The following CCDC125 variants were observed in gnomAD, a reference collection of about 807,000 sequenced individuals.
CCDC125 encodes coiled-coil domain-containing protein 125.
A neutral mutation model predicts 57.4 loss-of-function variants in CCDC125; 43 were observed. The ratio of observed to expected loss-of-function variants is 0.75; its 90% confidence interval spans 0.59 to 0.97. The LOEUF is 0.97. Ranked by LOEUF, CCDC125 falls within the 50% of genes least tolerant of loss-of-function variation. CCDC125 has a pLI of 0.00. For missense variants in CCDC125, 563 were observed against 595.7 expected, an observed-to-expected ratio of 0.95 and a Z score of 0.57; for synonymous variants, 187 against 195.2, an observed-to-expected ratio of 0.96 and a Z score of 0.35.
At chr5:69,324,482 GA>G (rs1760474906) in intron 1 of CCDC125, among the ~76,000 whole-genome samples, 1 of 152,156 alleles carries the variant, frequency 6.6e-6, no homozygotes, top group African/African-American at 2.4e-5. Context: ...TTACTCAAGA[GA>G]AACAGAACCC....
chr5:69,322,585 G>A (rs1760200099), intron 1 of CCDC125, among the ~76,000 whole-genome samples: 1 of 150,702 alleles, frequency 6.6e-6, no homozygotes, highest in South Asian at 2.1e-4. Context: ...TTTTTTTTGA[G>A]ACAGTCTTGC....
chr5:69,294,919 T>G lies in CCDC125; in HGVS notation c.817-19A>C. 1 of 1,599,658 alleles carries G rather than the reference T, an allele frequency of 6.3e-7. No homozygotes were observed. The highest frequency in any genetic ancestry group is 8.6e-7 in the Non-Finnish European group (1 of 1,167,706). ...CCGCAAGCTTTAAATTGAAAAGCATTGCTCCTGTTATTAAGTGTCACACTG... is the reference window on the plus strand; with the variant it reads ...CCGCAAGCTTTAAATTGAAAAGCATGGCTCCTGTTATTAAGTGTCACACTG... On this transcript the variant is annotated intron_variant, in intron 8 of 11. Coordinates refer to ENST00000396496, the MANE Select transcript of CCDC125 (RefSeq NM_176816.5).
chr5:69,292,926 C>T (rs1754703236), intron 9 of CCDC125, among the ~76,000 whole-genome samples: 1 of 149,706 alleles, frequency 6.7e-6, no homozygotes, highest in African/African-American at 2.5e-5. Flanking sequence ...CTGCAAGCTC[C>T]GCCTCCTGGG....
In CCDC125 at chr5:69,313,433, A is replaced by G. The variant is rs555869476; in HGVS notation, c.366+552T>C. 1.5e-5 allele frequency: 22 copies of G among 1,507,776 alleles called. No homozygotes were observed. The African/African-American group carries it at 1.8e-4, about 12-fold the overall frequency. The allele number at this position is 1,507,776 out of a possible 1,614,324, so 93.4% of individuals were successfully genotyped here. Reference sequence around the variant, plus strand: ...CCCCCCAGCTTCTCTGCCAGGGTGCAGTGGTCCTTGACCTCCTCATAGTAG... The same window carrying G: ...CCCCCCAGCTTCTCTGCCAGGGTGCGGTGGTCCTTGACCTCCTCATAGTAG... On this transcript the variant is annotated intron_variant, in intron 3 of 11. Coordinates refer to ENST00000396496, the MANE Select transcript of CCDC125 (RefSeq NM_176816.5).
At chr5:69,276,099 G>A (rs558415854), downstream of CCDC125, among the ~76,000 whole-genome samples, 7 of 152,068 alleles carry the variant, frequency 4.6e-5, no homozygotes, top group South Asian at 2.1e-4. Context: ...GTGCGATCTC[G>A]GCTCACTGCA....
intron 8 of CCDC125, among the ~76,000 whole-genome samples, chr5:69,295,378 C>T (rs1014449069): frequency 6.6e-6 from 1 of 151,980 alleles, no homozygotes; most frequent in African/African-American, 2.4e-5. Flanking sequence ...AACAGTCATC[C>T]CTCCACTCCT....
chr5:69,283,459 A>AT, intron 11 of CCDC125, among the ~76,000 whole-genome samples: 1 of 151,758 alleles, frequency 6.6e-6, no homozygotes, highest in African/African-American at 2.4e-5. Context: ...TGACCTTGTG[A>AT]TCAGCCCACC....
At chr5:69,313,682 G>A in intron 3 of CCDC125, 1 of 757,782 alleles carries the variant, frequency 1.3e-6, no homozygotes, top group East Asian at 2.5e-5. Context: ...GGTTGTCGAT[G>A]GTCTGGTCCA....
intron 10 of CCDC125, among the ~76,000 whole-genome samples, chr5:69,286,628 C>A (rs1753531241): frequency 6.6e-6 from 1 of 152,118 alleles, no homozygotes; most frequent in South Asian, 2.1e-4. Context: ...TTTAATATTT[C>A]ACGTGCTGAC....
intron 10 of CCDC125, among the ~76,000 whole-genome samples, chr5:69,288,939 T>C (rs190910565): frequency 2.8e-4 from 43 of 152,326 alleles, no homozygotes; most frequent in African/African-American, 1.0e-3. Context: ...GAAAACACTT[T>C]GGTTTCCCCT....
At chr5:69,330,736 C>T (rs1761313358) in intron 1 of CCDC125, among the ~76,000 whole-genome samples, 1 of 152,124 alleles carries the variant, frequency 6.6e-6, no homozygotes, top group Admixed American at 6.6e-5. Context: ...CTTCACATGC[C>T]TTCAGTTGCT....
chr5:69,306,565 T>C (rs889907922), intron 6 of CCDC125, among the ~76,000 whole-genome samples: 31 of 152,152 alleles, frequency 2.0e-4, no homozygotes, highest in Admixed American at 1.3e-4. Flanking sequence ...TGGACTCAAG[T>C]GATCCTCAGA....
chr5:69,319,482 C>CTTT (rs1280719685), intron 2 of CCDC125, among the ~76,000 whole-genome samples: 2 of 138,076 alleles, frequency 1.4e-5, no homozygotes, highest in African/African-American at 5.3e-5. Context: ...ACATCGACTA[C>CTTT]TTTTTTTTTT....
chr5:69,327,006 C>G (rs1374451697), intron 1 of CCDC125, among the ~76,000 whole-genome samples: 1 of 151,956 alleles, frequency 6.6e-6, no homozygotes, highest in Non-Finnish European at 1.5e-5. Context: ...CCACTGCACT[C>G]TAGTCTGGTC....
rs1753188685 is a variant in CCDC125 at position 69,285,483 on chromosome 5, A to G, written c.1100-16T>C. 5 of 1,588,204 alleles carry G rather than the reference A, an allele frequency of 3.1e-6. No individual in the cohort carries two copies. The East Asian group carries it at 1.1e-4, about 36-fold the overall frequency. Reference sequence around the variant, plus strand: ...GATGGAAATCCTAAAATTGAACATGAGAATCCAGCTGAGACATTAAAATAT... The same window carrying G: ...GATGGAAATCCTAAAATTGAACATGGGAATCCAGCTGAGACATTAAAATAT... On this transcript the variant is annotated splice_polypyrimidine_tract_variant and intron_variant, in intron 10 of 11. Transcript: ENST00000396496.
At chr5:69,306,677 A>G in intron 6 of CCDC125, 140 bp downstream of exon 6, 1 of 1,006,544 alleles carries the variant, frequency 9.9e-7, no homozygotes, top group South Asian at 4.1e-5. Flanking sequence ...ACACTAACAA[A>G]AATATGCGAC....
At position 69,281,511 on chromosome 5, in the gene CCDC125, CTG is replaced by C. The variant is rs756560167; in HGVS notation, c.*1216_*1217del. On this transcript the variant is annotated 3_prime_UTR_variant, in exon 12 of 12. Transcript: ENST00000396496. Reference sequence around the variant, plus strand: ...GCACTTTGTAGACTTGGCTACAAATCTGTGCAGATTTGGTTGCAAAATGTTAC... The same window carrying C: ...GCACTTTGTAGACTTGGCTACAAATCTGCAGATTTGGTTGCAAAATGTTAC... The C allele has an allele frequency of 7.9e-5, 12 of 152,314 alleles. No individual in the cohort carries two copies. Among genetic ancestry groups the C allele is most frequent in the Non-Finnish European group, 1.3e-4 (9 of 68,046 alleles). 9.4% of individuals were successfully genotyped at this position (152,314 alleles called of 1,614,324 possible). A position where few individuals can be genotyped will look rare whatever the true frequency, so the allele number is the denominator to read the frequency against.
intron 6 of CCDC125, among the ~76,000 whole-genome samples, chr5:69,305,884 C>T (rs1281776078): frequency 6.6e-6 from 1 of 152,168 alleles, no homozygotes; most frequent in Non-Finnish European, 1.5e-5. Context: ...CGTTCGTCTC[C>T]CTTTGTTCAG....
At chr5:69,320,978 A>C (rs1171733491) in intron 1 of CCDC125, among the ~76,000 whole-genome samples, 1 of 152,136 alleles carries the variant, frequency 6.6e-6, no homozygotes, top group East Asian at 1.9e-4. Context: ...AAAACAATCA[A>C]ACTCAAAGGA....
Sources: allele counts gnomAD v4.1 joint callset (sites outside exome capture counted in the v4.1 genomes callset), GRCh38; gene constraint gnomAD v4.1.1; transcripts MANE v1.5; gene names NCBI Gene and HGNC (gene_info 2026-07-23, HGNC 2026-07-21).